Variants in RECQL5 observed in about 807,000 individuals in gnomAD.
RECQL5 encodes ATP-dependent DNA helicase Q5.
A neutral mutation model predicts 103.4 loss-of-function variants in RECQL5; 88 were observed. The observed-to-expected ratio is 0.85, with a 90% CI of 0.72 to 1.02. RECQL5 has a LOEUF of 1.02. Among genes scored for constraint, RECQL5 ranks in the 50% least tolerant of loss-of-function variants. The pLI is 0.00. For missense variants in RECQL5, 1,232 were observed against 1,284.3 expected (o/e 0.96, Z 0.62); for synonymous variants, 552 against 507.9 (o/e 1.09, Z -1.17).
chr17:75,634,344 C>G, intron 8 of RECQL5: 1 of 750,108 alleles, frequency 1.3e-6, no homozygotes, highest in Non-Finnish European at 1.6e-6. Context: ...GCAGGGAAGT[C>G]AGCCAGCCTC....
In RECQL5 at chr17:75,629,960, C is replaced by T. The variant is rs538612369; in HGVS notation, c.1813-118G>A. The T allele has an allele frequency of 7.3e-6, 10 of 1,366,028 alleles. No individual in the cohort carries two copies. The East Asian group carries it at 2.2e-4, about 30-fold the overall frequency. 84.6% of individuals were successfully genotyped at this position (1,366,028 alleles called of 1,614,324 possible). ...GGTTTCTGTGGCCAGTGGCCACAGG[C>T]AACTGACCACTGGGCAAGTTTTAGG... On this transcript the variant is annotated intron_variant, in intron 14 of 19. Coordinates refer to ENST00000317905, the MANE Select transcript of RECQL5 (RefSeq NM_004259.7).
Position 75,640,073 on chromosome 17 carries a change from CG to C in RECQL5, c.1230-8406del. ...TGTGAGACCTGACAAACTTGTTCTG[CG>C]GGCTGCGGATGGGTGCGAGGGTGGA... On this transcript the variant is annotated intron_variant, in intron 8 of 19. Transcript: ENST00000317905. This position sits in a 1 kb window ranked among gnomAD's most constrained non-coding sequence, Gnocchi z 4.6. The C allele has an allele frequency of 7.6e-7, 1 of 1,312,198 alleles. No homozygotes were observed. The highest frequency in any genetic ancestry group is 1.0e-6 in the Non-Finnish European group (1 of 990,374). The allele number at this position is 1,312,198 out of a possible 1,614,324, so 81.3% of individuals were successfully genotyped here.
intron 8 of RECQL5, among the ~76,000 whole-genome samples, chr17:75,631,921 G>T (rs2059223864): frequency 6.6e-6 from 1 of 152,228 alleles, no homozygotes. Context: ...AGCAGGATGT[G>T]AACCCCACTC....
rs368873735 is a variant in RECQL5, at chr17:75,628,990, G to A, written c.2433C>T (p.Ala811=). 64 of 1,562,946 alleles carry A rather than the reference G, an allele frequency of 4.1e-5. No individual in the cohort carries two copies. Among genetic ancestry groups the A allele is most frequent in the Non-Finnish European group, 4.8e-5 (56 of 1,157,562 alleles). ...GGGGAGGGGCAGGCGAATGTCCCCC[G>A]GCTCCATCTTCCTCCCCTGTGTACT... ...PEKYTGEEDG[A]GGHSPAPPQT... Residue 811 remains alanine (A), a synonymous_variant, in exon 16 of 20, where the codon GCC becomes GCT. Coordinates refer to ENST00000317905, the MANE Select transcript of RECQL5 (RefSeq NM_004259.7).
At position 75,627,447 on chromosome 17, in the gene RECQL5, T is replaced by C. The variant is rs1168917771; in HGVS notation, c.2951A>G (p.His984Arg). 2 of 1,613,592 alleles carry C rather than the reference T, an allele frequency of 1.2e-6. No homozygotes were observed. The highest frequency in any genetic ancestry group is 1.1e-5 in the South Asian group (1 of 91,082). Residue 984 changes from histidine (H) to arginine (R), a missense_variant, in exon 20 of 20, where the codon CAT becomes CGT. Coordinates refer to ENST00000317905, the MANE Select transcript of RECQL5 (RefSeq NM_004259.7). ...TCATCTCTGGGGGCCACACAGGCCA[T>C]GCCAGTCAGCTTCGCTCTCGCACCG... The part of the protein sequence containing the change: ...RARCESEADW[H>R]GLCGPQR
rs796759569 is a variant in RECQL5, at chr17:75,645,196, T to C, written c.1229+5990A>G. On this transcript the variant is annotated intron_variant, in intron 8 of 19. Coordinates refer to ENST00000317905, the MANE Select transcript of RECQL5 (RefSeq NM_004259.7). ...GAAAACCTTCTGGGTTTTTACAAAATGTCCCTGATGTTTAGTTATCATGTC... is the reference window on the plus strand; with the variant it reads ...GAAAACCTTCTGGGTTTTTACAAAACGTCCCTGATGTTTAGTTATCATGTC... 9.8e-5 allele frequency among the ~76,000 whole-genome samples: 15 copies of C among 152,364 alleles called. 1 individual carries two copies. The highest frequency in any genetic ancestry group is 3.6e-4 in the African/African-American group (15 of 41,580).
At chr17:75,646,592 G>A (rs958532919) in intron 8 of RECQL5, 4 of 151,210 alleles carry the variant, frequency 2.6e-5, no homozygotes, top group African/African-American at 9.8e-5. Flanking sequence ...TGTTTGTTTG[G>A]TGACAGCAAC....
At chr17:75,658,194 G>T in intron 7 of RECQL5, 104 bp downstream of exon 7, 1 of 1,295,064 alleles carries the variant, frequency 7.7e-7, no homozygotes, top group Non-Finnish European at 1.1e-6. Context: ...GTTGGGAGCA[G>T]CCTCCTCTAG....
intron 3 of RECQL5, among the ~76,000 whole-genome samples, chr17:75,663,964 G>C (rs1174712586): frequency 1.4e-5 from 2 of 142,848 alleles, no homozygotes; most frequent in Non-Finnish European, 3.0e-5. Context: ...TGAGGCAGGA[G>C]AACTGCTTGA....
In RECQL5 at chr17:75,662,807, C is replaced by T. The variant is rs1297288576; in HGVS notation, c.443G>A (p.Arg148His). Reference protein sequence around the residue: ...FQPTLNSLVSRHLLSYLVVDE... With the variant: ...FQPTLNSLVSHHLLSYLVVDE... ...CACCACCAAGTAAGACAGCAGGTGGCGGGACACCAGGGAGTTCAGGGTGGG... is the reference window on the plus strand; with the variant it reads ...CACCACCAAGTAAGACAGCAGGTGGTGGGACACCAGGGAGTTCAGGGTGGG... Residue 148 changes from arginine (R) to histidine (H), a missense_variant, in exon 4 of 20, where the codon CGC becomes CAC. By Grantham distance (29) the Arg-to-His change is conservative (BLOSUM62 0). Coordinates refer to ENST00000317905, the MANE Select transcript of RECQL5 (RefSeq NM_004259.7). 12 of 1,613,940 alleles carry T rather than the reference C, an allele frequency of 7.4e-6. No individual in the cohort carries two copies. Among genetic ancestry groups the T allele is most frequent in the South Asian group, 2.2e-5 (2 of 91,088 alleles).
chr17:75,630,055 CTG>C (rs2059177505), intron 14 of RECQL5, 127 bp downstream of exon 14: 2 of 845,646 alleles, frequency 2.4e-6, no homozygotes, highest in Non-Finnish European at 3.5e-6. Flanking sequence ...CCCCCATAAA[CTG>C]TCTCTGGGGT....
intron 8 of RECQL5, chr17:75,635,834 C>G: frequency 1.0e-6 from 1 of 985,492 alleles, no homozygotes; most frequent in Non-Finnish European, 1.2e-6. Context: ...ACGCCGCCTG[C>G]TGCCAGCCCT....
Position 75,642,644 on chromosome 17 carries a change from G to GGATGAAGATGAT in RECQL5, c.1229+8530_1229+8541dup, listed in dbSNP as rs1251276855. Among the ~76,000 whole-genome samples the GGATGAAGATGAT allele has an allele frequency of 2.6e-5, 4 of 152,364 alleles. No homozygotes were observed. In the South Asian group the frequency reaches 6.2e-4, roughly 24 times the overall value. On this transcript the variant is annotated intron_variant, in intron 8 of 19. Transcript: ENST00000317905. Reference sequence around the variant, plus strand: ...ATGATGACGATGATCATGAGGAGGAGGATGAAGATGATGATGAAGATGGCT... The same window carrying GGATGAAGATGAT: ...ATGATGACGATGATCATGAGGAGGAGGATGAAGATGATGATGAAGATGATGATGAAGATGGCT...
At chr17:75,630,420 C>T (rs2059185284) in intron 13 of RECQL5, 143 bp from the exon 14 acceptor site, 1 of 908,032 alleles carries the variant, frequency 1.1e-6, no homozygotes, top group African/African-American at 1.7e-5. Flanking sequence ...CTGTGGCTTA[C>T]TGTCCCTCAG....
At chr17:75,656,668 T>A (rs2059624362) in intron 7 of RECQL5, among the ~76,000 whole-genome samples, 1 of 152,080 alleles carries the variant, frequency 6.6e-6, no homozygotes, top group Admixed American at 6.6e-5. Context: ...CAATGTGTTG[T>A]CATTTCTACC....
Position 75,629,793 on chromosome 17 carries a change from C to G in RECQL5, c.1862G>C (p.Gly621Ala). ...GGCACTGCAGCTCTTGGCACTGCCT[C>G]CCATGTCATAGGGCTGCCCATCCTT... ...ASKDGQPYDM[G>A]GSAKSCSAQA... Residue 621 changes from glycine (G) to alanine (A), a missense_variant, in exon 15 of 20, where the codon GGA becomes GCA. Transcript: ENST00000317905. The G allele has an allele frequency of 6.2e-7, 1 of 1,613,536 alleles. No individual in the cohort carries two copies. Among genetic ancestry groups the G allele is most frequent in the Non-Finnish European group, 8.5e-7 (1 of 1,179,776 alleles).
rs981528060 is a variant in RECQL5 at position 75,628,353 on chromosome 17, G to A, written c.2670C>T (p.Ser890=). ...VAEVKGSVSA[S]EQGTLNPTAQ... is the part of the protein sequence containing the mutation. ...CCGTGGGATTCAAGGTGCCCTGTTC[G>A]CTGGCCGAGACGCTGCCCTTGACCT... Residue 890 remains serine, a synonymous_variant, in exon 18 of 20, where the codon AGC becomes AGT. Transcript: ENST00000317905. The A allele has an allele frequency of 1.2e-5, 20 of 1,613,926 alleles. No homozygotes were observed. The South Asian group carries it at 1.4e-4, about 12-fold the overall frequency.
At chr17:75,639,669 G>C (rs1164767125) in intron 8 of RECQL5, 1 of 152,770 alleles carries the variant, frequency 6.5e-6, no homozygotes, top group Non-Finnish European at 1.5e-5. Flanking sequence ...AGGTTGGGGG[G>C]CCTGGGGGAC....
chr17:75,661,643 G>A lies in RECQL5; in HGVS notation c.837C>T (p.Leu279=). 6.2e-7 allele frequency: 1 copy of A among 1,614,100 alleles called. No homozygotes were observed. The highest frequency in any genetic ancestry group is 8.5e-7 in the Non-Finnish European group (1 of 1,180,024). The change falls in exon 5 of 20, where the codon CTC becomes CTT. Residue 279 remains leucine (L), a synonymous_variant. Transcript: ENST00000317905. ...REACEQLAIE[L]SCRGVNAKAY... is the part of the protein sequence containing the mutation. ...CCTTGGCGTTCACACCCCTGCAGCT[G>A]AGCTCTATGGCCAGCTGTTCACAAG...
Sources: gnomAD v4.1 joint callset for allele counts (sites outside exome capture counted in the v4.1 genomes callset) on GRCh38, gnomAD v4.1.1 for gene constraint, Gnocchi (gnomAD v3.1) non-coding constraint, MANE v1.5 for transcripts, NCBI Gene and HGNC (gene_info 2026-07-23, HGNC 2026-07-21) for gene names.